Variants in PACRG observed in about 807,000 individuals in gnomAD.
PACRG encodes the protein parkin coregulated.
A neutral mutation model predicts 29.7 loss-of-function variants in PACRG; 29 were observed. That is an observed-to-expected ratio of 0.98 (90% CI 0.73 to 1.33). The LOEUF is 1.33. Among genes scored for constraint, PACRG ranks in the 40% most tolerant of loss-of-function variants. PACRG has a pLI of 0.00. For missense variants in PACRG, 279 were observed against 316.2 expected, an observed-to-expected ratio of 0.88 and a Z score of 0.89; for synonymous variants, 116 against 118.7, an observed-to-expected ratio of 0.98 and a Z score of 0.15.
intron 4 of PACRG, among the ~76,000 whole-genome samples, chr6:163,091,948 C>T (rs1018569008): frequency 2.0e-5 from 3 of 152,150 alleles, no homozygotes; most frequent in African/African-American, 7.2e-5. Context: ...AGAAAAAACT[C>T]ATCCTAAATT....
intron 4 of PACRG, chr6:163,095,360 GGAAGGATTATTCT>G: frequency 3.0e-6 from 3 of 985,392 alleles, no homozygotes; most frequent in Non-Finnish European, 3.6e-6. Flanking sequence ...CTGCCCGGAG[GGAAGGATTATTCT>G]GAGTTGTCTG....
intron 2 of PACRG, among the ~76,000 whole-genome samples, chr6:162,942,192 G>C (rs1028291223): frequency 4.6e-5 from 7 of 152,130 alleles, no homozygotes. Context: ...CAAAATCTTA[G>C]GCAAGTTTCT....
intron 2 of PACRG, among the ~76,000 whole-genome samples, chr6:162,994,293 T>C (rs1020070709): frequency 1.3e-5 from 2 of 150,434 alleles, no homozygotes; most frequent in Non-Finnish European, 2.9e-5. Flanking sequence ...TGGCCTGCCT[T>C]GCTAGATTGG....
At chr6:163,136,212 TTGACAGCATCACCC>T (rs1243304036) in intron 4 of PACRG, among the ~76,000 whole-genome samples, 2 of 152,208 alleles carry the variant, frequency 1.3e-5, no homozygotes, top group Non-Finnish European at 2.9e-5. Flanking sequence ...ATCTCAATTA[TTGACAGCATCACCC>T]TAACTCCCTG....
chr6:162,947,532 AC>A (rs1355373426), intron 2 of PACRG, among the ~76,000 whole-genome samples: 20 of 116,470 alleles, frequency 1.7e-4, no homozygotes, highest in African/African-American at 7.1e-4. Flanking sequence ...TCATATATAT[AC>A]TCATATATAA....
At chr6:163,195,588 T>C (rs1780414846) in intron 4 of PACRG, among the ~76,000 whole-genome samples, 1 of 152,116 alleles carries the variant, frequency 6.6e-6, no homozygotes, top group South Asian at 2.1e-4. Context: ...TTTAAAGACA[T>C]TTTGTGATAA....
At chr6:162,871,954 A>AAAAC (rs1792857414) in intron 2 of PACRG, among the ~76,000 whole-genome samples, 1 of 152,074 alleles carries the variant, frequency 6.6e-6, no homozygotes, top group Non-Finnish European at 1.5e-5. Flanking sequence ...AAAACAAAAA[A>AAAAC]AAACAAAAGA....
At chr6:162,870,848 T>C (rs1168266184) in intron 2 of PACRG, among the ~76,000 whole-genome samples, 2 of 152,234 alleles carry the variant, frequency 1.3e-5, no homozygotes, top group African/African-American at 4.8e-5. Flanking sequence ...AATAGCTGCG[T>C]TGATAGCTCT....
intron 2 of PACRG, among the ~76,000 whole-genome samples, chr6:163,005,351 C>A (rs542365586): frequency 6.6e-5 from 10 of 151,918 alleles, no homozygotes; most frequent in African/African-American, 2.4e-4. Context: ...CTTTGGTTTG[C>A]ATTTGCTATT....
intron 1 of PACRG, among the ~76,000 whole-genome samples, chr6:162,761,965 C>CCA (rs1344167847): frequency 6.6e-5 from 9 of 136,078 alleles, no homozygotes; most frequent in East Asian, 2.3e-4. Context: ...AACCCCCCCC[C>CCA]AAAAAAAAAC....
intron 2 of PACRG, among the ~76,000 whole-genome samples, chr6:162,943,609 G>A (rs553571905): frequency 1.1e-4 from 17 of 152,222 alleles, no homozygotes; most frequent in Admixed American, 2.6e-4. Flanking sequence ...CACAGCCAGT[G>A]CCTGCAGGCA....
At chr6:162,964,890 G>C (rs1800904114) in intron 2 of PACRG, among the ~76,000 whole-genome samples, 1 of 152,198 alleles carries the variant, frequency 6.6e-6, no homozygotes, top group African/African-American at 2.4e-5. Context: ...GGCTTCCTCT[G>C]GGAAATTCTC....
At chr6:163,205,168 T>A (rs1183653881) in intron 4 of PACRG, among the ~76,000 whole-genome samples, 1 of 152,228 alleles carries the variant, frequency 6.6e-6, no homozygotes, top group African/African-American at 2.4e-5. Context: ...TTCGATGCTA[T>A]TCCAATTAAT....
chr6:163,049,171 A>C (rs1278647895), intron 2 of PACRG, among the ~76,000 whole-genome samples: 2 of 152,096 alleles, frequency 1.3e-5, no homozygotes, highest in Non-Finnish European at 2.9e-5. Flanking sequence ...TTCACAAATA[A>C]GGAAGACAGG....
rs6903758 is a variant in PACRG, at chr6:163,315,470, A to G, written c.*483A>G. 0.33 allele frequency: 51,074 copies of G among 152,496 alleles called. 9,017 individuals are homozygous for G. The highest frequency in any genetic ancestry group is 0.69 in the East Asian group (3,536 of 5,150). 9.4% of individuals were successfully genotyped at this position (152,496 alleles called of 1,614,324 possible). ...GCTGTGCGGAATAATGTGCTTTGAC[A>G]TTCAATAAAACTGTTGAATCTATAT... On this transcript the variant is annotated 3_prime_UTR_variant, in exon 5 of 5. Coordinates refer to ENST00000366888, the MANE Select transcript of PACRG (RefSeq NM_001080379.2).
chr6:163,191,070 A>G (rs1472121380), intron 4 of PACRG: 2 of 425,438 alleles, frequency 4.7e-6, no homozygotes, highest in African/African-American at 2.1e-5. Context: ...AAACAAACAA[A>G]CAAAAAACCT....
chr6:163,197,434 CTTTT>C (rs57942658), intron 4 of PACRG, among the ~76,000 whole-genome samples: 466 of 105,974 alleles, frequency 4.4e-3, no homozygotes, highest in African/African-American at 0.016. Context: ...CTTTTCTTTT[CTTTT>C]TTTTTTTTTT....
chr6:163,046,931 T>C (rs1286140876), intron 2 of PACRG, among the ~76,000 whole-genome samples: 2 of 152,384 alleles, frequency 1.3e-5, no homozygotes, highest in South Asian at 4.1e-4. Context: ...AATTGTATGC[T>C]GATGTAAGAG....
At position 162,806,350 on chromosome 6, in the gene PACRG, C is replaced by T. The variant is rs529851954; in HGVS notation, c.157-7797C>T. 2.8e-4 allele frequency among the ~76,000 whole-genome samples: 43 copies of T among 151,662 alleles called. No individual in the cohort carries two copies. In the South Asian group the frequency reaches 8.8e-3, roughly 31 times the overall value. ...CTTGAACTCCTGACCTCAGGTGATC[C>T]ACCCCCACCTCAGGCTTCCAAAGTG... is the stretch of plus-strand genomic sequence containing the variant. On this transcript the variant is annotated intron_variant, in intron 1 of 4. Coordinates refer to ENST00000366888, the MANE Select transcript of PACRG (RefSeq NM_001080379.2).
Sources: allele counts gnomAD v4.1 joint callset (sites outside exome capture counted in the v4.1 genomes callset), GRCh38; gene constraint gnomAD v4.1.1; transcripts MANE v1.5; gene names NCBI Gene and HGNC (gene_info 2026-07-23, HGNC 2026-07-21).